The following HEPH variants were observed in gnomAD, a reference collection of about 807,000 sequenced individuals.
HEPH encodes the protein hephaestin.
Under a neutral mutation model 80.8 loss-of-function variants are expected in HEPH, and 69 were observed. The ratio of observed to expected loss-of-function variants is 0.85; its 90% CI spans 0.70 to 1.04. The LOEUF (loss-of-function observed/expected upper bound fraction) is 1.04. Ranked by LOEUF, HEPH falls within the 50% of genes least tolerant of loss-of-function variation. The pLI, the probability that HEPH is intolerant of heterozygous loss-of-function variation, is 0.00. For missense variants in HEPH, 1,115 were observed against 891.3 expected (o/e 1.25, Z -3.20); for synonymous variants, 431 against 322.8 (o/e 1.34, Z -3.60).
chrX:66,263,718 T>A (rs371433602), intron 20 of HEPH, 30 bp downstream of exon 20: 5 of 1,178,276 alleles, frequency 4.2e-6, no homozygotes, highest in South Asian at 1.8e-5. Flanking sequence ...GACTGGGTAC[T>A]TATACATAGT....
chrX:66,266,394 A>T (rs1229346189), intron 20 of HEPH, 46 bp from the exon 21 acceptor site: 2 of 996,322 alleles, frequency 2.0e-6, no homozygotes, highest in African/African-American at 3.8e-5. Context: ...TACCTTTTAG[A>T]GTACTCCCCA....
At chrX:66,208,012 C>T (rs1315033877) in intron 14 of HEPH, 103 bp from the exon 15 acceptor site, 1 of 567,270 alleles carries the variant, frequency 1.8e-6, no homozygotes, top group Admixed American at 3.5e-5. Flanking sequence ...TCAGGGTAAA[C>T]CACTAATTCT....
chrX:66,220,389 C>T (rs1328536767), intron 15 of HEPH, among the ~76,000 whole-genome samples: 1 of 111,274 alleles, frequency 9.0e-6, no homozygotes, highest in Non-Finnish European at 1.9e-5. Flanking sequence ...CCAGTCCAAC[C>T]CCATCGATTC....
chrX:66,239,159 C>T (rs981336308), intron 15 of HEPH, among the ~76,000 whole-genome samples: 7 of 112,244 alleles, frequency 6.2e-5, no homozygotes, highest in African/African-American at 2.3e-4. Context: ...CTGTTCCCAA[C>T]ATCCAGTATC....
In HEPH at chrX:66,266,817, CTTTA is replaced by C. The variant is rs1488158367; in HGVS notation, c.*153_*156del. 9.2e-6 allele frequency: 4 copies of C among 432,675 alleles called. No homozygotes were observed. The highest frequency in any genetic ancestry group is 1.2e-5 in the Non-Finnish European group (3 of 250,528). 35.7% of individuals were successfully genotyped at this position (432,675 alleles called of 1,213,427 possible). ...ATCAAGCTTATCTGGATATTTCTTT[CTTTA>C]TTTATTTTACATGGAAATAATATGA... On this transcript the variant is annotated 3_prime_UTR_variant, in exon 21 of 21. Transcript: ENST00000343002.
At chrX:66,212,535 G>A (rs934293900) in intron 15 of HEPH, among the ~76,000 whole-genome samples, 1 of 111,454 alleles carries the variant, frequency 9.0e-6, no homozygotes, top group African/African-American at 3.3e-5. Context: ...TCTGCATGTG[G>A]CTGTGCAGTT....
chrX:66,229,770 T>G (rs1039434491), intron 15 of HEPH, among the ~76,000 whole-genome samples: 8 of 111,080 alleles, frequency 7.2e-5, no homozygotes, highest in Non-Finnish European at 1.1e-4. Flanking sequence ...AATTTACTCT[T>G]TTTTTTTGTT....
chrX:66,164,725 A>G (rs1032721092), intron 1 of HEPH, among the ~76,000 whole-genome samples: 3 of 111,621 alleles, frequency 2.7e-5, no homozygotes. Flanking sequence ...AGAATAGTTC[A>G]TTTTCCTGTC....
chrX:66,198,040 G>T (rs1179567706), intron 10 of HEPH, 146 bp downstream of exon 10: 5 of 487,806 alleles, frequency 1.0e-5, no homozygotes, highest in African/African-American at 7.2e-5. Flanking sequence ...ATTAATAGTT[G>T]GTGACCTCAT....
At chrX:66,176,835 A>C (rs946796867) in intron 4 of HEPH, among the ~76,000 whole-genome samples, 1 of 111,739 alleles carries the variant, frequency 8.9e-6, no homozygotes, top group Non-Finnish European at 1.9e-5. Context: ...TGAACTCATC[A>C]TTTTTTATGG....
At chrX:66,210,262 G>T (rs1410248214) in intron 15 of HEPH, among the ~76,000 whole-genome samples, 1 of 112,253 alleles carries the variant, frequency 8.9e-6, no homozygotes, top group African/African-American at 3.2e-5. Flanking sequence ...ATTTTCCATT[G>T]CTTATAGCAA....
chrX:66,235,653 G>T (rs1054087654), intron 15 of HEPH, among the ~76,000 whole-genome samples: 1 of 111,625 alleles, frequency 9.0e-6, no homozygotes, highest in African/African-American at 3.3e-5. Flanking sequence ...CTCCAGCTTT[G>T]CTCTTTTTGC....
At chrX:66,250,710 C>T (rs774474050) in intron 15 of HEPH, among the ~76,000 whole-genome samples, 3 of 111,939 alleles carry the variant, frequency 2.7e-5, no homozygotes, top group East Asian at 5.6e-4. Context: ...CAGCGTAATT[C>T]TCTGGAGATT....
intron 15 of HEPH, among the ~76,000 whole-genome samples, chrX:66,247,297 A>G (rs183770417): frequency 5.1e-4 from 54 of 106,668 alleles, no homozygotes; most frequent in African/African-American, 1.7e-3. Flanking sequence ...TCCATAATAC[A>G]TATATTAATC....
At chrX:66,181,972 CTTGT>C (rs2087180220) in intron 4 of HEPH, among the ~76,000 whole-genome samples, 1 of 110,524 alleles carries the variant, frequency 9.0e-6, no homozygotes, top group Non-Finnish European at 1.9e-5. Context: ...TTTCCCATTG[CTTGT>C]TTTTCTCAGG....
chrX:66,260,315 T>C (rs772253113), intron 19 of HEPH, 53 bp downstream of exon 19: 2 of 1,040,025 alleles, frequency 1.9e-6, no homozygotes, highest in Admixed American at 4.6e-5. Context: ...ATCTAGCCTA[T>C]AGGAAGCAGG....
chrX:66,267,869 T>A (rs766109379), downstream of HEPH: 2 of 111,262 alleles, frequency 1.8e-5, no homozygotes, highest in Admixed American at 1.9e-4. Context: ...AATTTTAGAT[T>A]GGGTAAGATG....
At chrX:66,254,405 G>C (rs2091104283) in intron 15 of HEPH, among the ~76,000 whole-genome samples, 1 of 111,587 alleles carries the variant, frequency 9.0e-6, no homozygotes, top group South Asian at 3.7e-4. Flanking sequence ...TTTCTAGATA[G>C]ACACTGAGAG....
chrX:66,216,229 T>C (rs1422190448), intron 15 of HEPH, among the ~76,000 whole-genome samples: 1 of 111,702 alleles, frequency 9.0e-6, no homozygotes, highest in Non-Finnish European at 1.9e-5. Flanking sequence ...CCTACACACC[T>C]GCAGCTGATG....
Sources: gnomAD v4.1 joint callset for allele counts (sites outside exome capture counted in the v4.1 genomes callset) on GRCh38, gnomAD v4.1.1 for gene constraint, MANE v1.5 for transcripts, NCBI Gene and HGNC (gene_info 2026-07-23, HGNC 2026-07-21) for gene names.